SCARA3: variants seen among roughly 807,000 people sequenced by gnomAD.
SCARA3 encodes the protein scavenger receptor class A member 3.
Under a neutral mutation model 47.0 loss-of-function variants are expected in SCARA3, and 39 were observed. That is an observed-to-expected ratio of 0.83 (90% CI 0.64 to 1.08). SCARA3 has a LOEUF of 1.08. Among genes scored for constraint, SCARA3 ranks in the 50% least tolerant of loss-of-function variants. The pLI, the probability that SCARA3 is intolerant of heterozygous loss-of-function variation, is 0.00. For missense variants in SCARA3, 724 were observed against 792.3 expected, an observed-to-expected ratio of 0.91 and a Z score of 1.04; for synonymous variants, 356 against 334.1, an observed-to-expected ratio of 1.07 and a Z score of -0.71.
At chr8:27,731,635 CT>C in the SCARA3 span, among the ~76,000 whole-genome samples, 1 of 83,232 alleles carries the variant, frequency 1.2e-5, no homozygotes, top group East Asian at 3.4e-4. Context: ...GAGCGAGACT[CT>C]GTCTCAAAAA....
intron 5 of SCARA3, among the ~76,000 whole-genome samples, chr8:27,660,630 A>AGATAGAT (rs1801882818): frequency 6.9e-6 from 1 of 144,228 alleles, no homozygotes; most frequent in African/African-American, 2.5e-5. Flanking sequence ...ATAGATAGAT[A>AGATAGAT]GATAGATAGA....
chr8:27,652,499 C>T (rs906895112), intron 3 of SCARA3, among the ~76,000 whole-genome samples: 2 of 152,172 alleles, frequency 1.3e-5, no homozygotes, highest in African/African-American at 4.8e-5. Flanking sequence ...AGTCGAGGCT[C>T]CGAGGGGGGC....
At chr8:27,652,590 G>A (rs547026392) in intron 3 of SCARA3, among the ~76,000 whole-genome samples, 8 of 152,284 alleles carry the variant, frequency 5.3e-5, no homozygotes, top group South Asian at 4.1e-4. Flanking sequence ...GGAGATATTC[G>A]GTAACCAGCC....
rs1037421614 is a variant in SCARA3 at position 27,667,506 on chromosome 8, G to A, written c.1370-3394G>A. Among the ~76,000 whole-genome samples, 9 of 152,228 alleles carry A rather than the reference G, an allele frequency of 5.9e-5. No individual in the cohort carries two copies. The East Asian group carries it at 7.7e-4, about 13-fold the overall frequency. ...GAGTGGCACAGGAGCCAAGGTAGCG[G>A]CATGGGGGAAGGAGATTGGGTCTTA... On this transcript the variant is annotated intron_variant, in intron 5 of 5. Coordinates refer to ENST00000301904, the MANE Select transcript of SCARA3 (RefSeq NM_016240.3).
At chr8:27,696,717 A>T in the SCARA3 span, among the ~76,000 whole-genome samples, 1 of 150,388 alleles carries the variant, frequency 6.6e-6, no homozygotes, top group East Asian at 2.0e-4. Context: ...CTCCTGCCTC[A>T]GCCTCCCAAG....
At chr8:27,668,876 T>C (rs1404303682) in intron 5 of SCARA3, among the ~76,000 whole-genome samples, 7 of 152,088 alleles carry the variant, frequency 4.6e-5, no homozygotes. Flanking sequence ...GCTGTGTTCT[T>C]AGAGACCAGG....
rs551009574 is a variant in SCARA3 at position 27,657,782 on chromosome 8, C to T, written c.326-714C>T. On this transcript the variant is annotated intron_variant, in intron 4 of 5. Coordinates refer to ENST00000301904, the MANE Select transcript of SCARA3 (RefSeq NM_016240.3). ...GTCTCGATCTCCTGACCTCGTGATC[C>T]GCCCGCCTCTGCCTCCCAAAGTGCT... 4.6e-5 allele frequency among the ~76,000 whole-genome samples: 7 copies of T among 151,966 alleles called. No individual in the cohort carries two copies. The South Asian group carries it at 1.0e-3, about 23-fold the overall frequency.
intron 3 of SCARA3, among the ~76,000 whole-genome samples, chr8:27,652,237 A>G (rs1340344510): frequency 6.6e-6 from 1 of 152,174 alleles, no homozygotes; most frequent in Non-Finnish European, 1.5e-5. Flanking sequence ...TCTCATACAC[A>G]TTAGGGTTTG....
At chr8:27,680,871 T>A (rs1423751433), downstream of SCARA3, among the ~76,000 whole-genome samples, 6 of 152,136 alleles carry the variant, frequency 3.9e-5, no homozygotes, top group Non-Finnish European at 7.4e-5. Context: ...TAGTTTGTCA[T>A]ATGTACAGAG....
Position 27,658,664 on chromosome 8 carries a change from G to A in SCARA3, c.494G>A (p.Arg165Lys), listed in dbSNP as rs779798208. The change falls in exon 5 of 6, where the codon AGA becomes AAA. Residue 165 changes from arginine (R) to lysine (K), a missense_variant. By Grantham distance (26) the Arg-to-Lys change is conservative. Transcript: ENST00000301904. ...CAGGAGGTGCTCTCCACCACCAGCA[G>A]ACAAATCTCCCAGGAGATGGGCAGT... ...QAQEVLSTTS[R>K]QISQEMGSCS... The A allele has an allele frequency of 6.2e-7, 1 of 1,614,096 alleles. No homozygotes were observed. The highest frequency in any genetic ancestry group is 8.5e-7 in the Non-Finnish European group (1 of 1,180,000).
chr8:27,720,005 G>C, the SCARA3 span, among the ~76,000 whole-genome samples: 1 of 152,098 alleles, frequency 6.6e-6, no homozygotes, highest in African/African-American at 2.4e-5. Flanking sequence ...TGATCAGGGA[G>C]AACTTCCTGA....
At chr8:27,719,297 C>T in the SCARA3 span, among the ~76,000 whole-genome samples, 255 of 152,250 alleles carry the variant, frequency 1.7e-3, 2 homozygotes, top group African/African-American at 5.9e-3. Context: ...CCAAATACTG[C>T]ATGTTCTCAC....
chr8:27,725,537 A>T, the SCARA3 span, among the ~76,000 whole-genome samples: 2 of 151,796 alleles, frequency 1.3e-5, no homozygotes, highest in Non-Finnish European at 2.9e-5. Flanking sequence ...TCCAAAAAAA[A>T]AAAAACCAGA....
At chr8:27,725,630 T>C in the SCARA3 span, among the ~76,000 whole-genome samples, 1 of 152,150 alleles carries the variant, frequency 6.6e-6, no homozygotes. Context: ...AGGCTACATT[T>C]GGAGAATTGT....
At position 27,672,332 on chromosome 8, in the gene SCARA3, C is replaced by T. The variant is rs2128924397; in HGVS notation, c.*981C>T. On this transcript the variant is annotated 3_prime_UTR_variant, in exon 6 of 6. Coordinates refer to ENST00000301904, the MANE Select transcript of SCARA3 (RefSeq NM_016240.3). ...TCTGCATGGGGGCACTCTGCAGGCC[C>T]TGGAACATTGGGCCTGAGTGGAGAT... 3.0e-6 allele frequency: 3 copies of T among 985,522 alleles called. No individual in the cohort carries two copies. The highest frequency in any genetic ancestry group is 3.6e-6 in the Non-Finnish European group (3 of 829,986). 61.0% of individuals were successfully genotyped at this position (985,522 alleles called of 1,614,324 possible). A position where few individuals can be genotyped will look rare whatever the true frequency, so the allele number is the denominator to read the frequency against.
Position 27,634,102 on chromosome 8 carries a change from A to T in SCARA3, c.-99A>T. On this transcript the variant is annotated 5_prime_UTR_variant, in exon 1 of 6. Transcript: ENST00000301904. ...CCCACGGCCGCGGGCGGCGCCTAGGACGGCGATCCGCGCCCTGGAGGATCC... is the reference window on the plus strand; with the variant it reads ...CCCACGGCCGCGGGCGGCGCCTAGGTCGGCGATCCGCGCCCTGGAGGATCC... The T allele has an allele frequency of 8.4e-7, 1 of 1,190,666 alleles. No individual in the cohort carries two copies. The highest frequency in any genetic ancestry group is 2.1e-5 in the South Asian group (1 of 48,196). 73.8% of individuals were successfully genotyped at this position (1,190,666 alleles called of 1,614,324 possible). A position where few individuals can be genotyped will look rare whatever the true frequency, so the allele number is the denominator to read the frequency against.
At chr8:27,719,657 A>G in the SCARA3 span, among the ~76,000 whole-genome samples, 1 of 152,216 alleles carries the variant, frequency 6.6e-6, no homozygotes, top group Admixed American at 6.5e-5. Context: ...AAAGGAGTCG[A>G]AAAGACTAAA....
the SCARA3 span, among the ~76,000 whole-genome samples, chr8:27,708,675 T>C: frequency 1.1e-4 from 17 of 152,286 alleles, no homozygotes; most frequent in East Asian, 3.3e-3. Flanking sequence ...AGACAGATAA[T>C]AACTTCTTTA....
chr8:27,691,292 C>T, the SCARA3 span, among the ~76,000 whole-genome samples: 1 of 152,124 alleles, frequency 6.6e-6, no homozygotes, highest in East Asian at 1.9e-4. Flanking sequence ...AAGGATCATG[C>T]GTCTGGACCC....
Sources: allele counts gnomAD v4.1 joint callset (sites outside exome capture counted in the v4.1 genomes callset), GRCh38; gene constraint gnomAD v4.1.1; transcripts MANE v1.5; gene names NCBI Gene and HGNC (gene_info 2026-07-23, HGNC 2026-07-21).